The following HHAT variants were observed in gnomAD, a reference collection of about 807,000 sequenced individuals.
HHAT encodes hedgehog acyltransferase, also known as protein-cysteine N-palmitoyltransferase HHAT.
A neutral mutation model predicts 70.8 loss-of-function variants in HHAT; 47 were observed. The ratio of observed to expected loss-of-function variants is 0.66; its 90% CI spans 0.53 to 0.85. The LOEUF is 0.85. Ranked by LOEUF, HHAT falls within the 40% of genes least tolerant of loss-of-function variation. HHAT has a pLI of 0.00. For missense variants in HHAT, 609 were observed against 604.8 expected, an observed-to-expected ratio of 1.01 and a Z score of -0.07; for synonymous variants, 228 against 247.6, an observed-to-expected ratio of 0.92 and a Z score of 0.74.
At chr1:210,655,088 C>G (rs1474422276) in intron 11 of HHAT, among the ~76,000 whole-genome samples, 39 of 152,184 alleles carry the variant, frequency 2.6e-4, no homozygotes, top group Admixed American at 2.6e-3. Flanking sequence ...ATATTGTGCT[C>G]TGAGGTCACA....
intron 8 of HHAT, among the ~76,000 whole-genome samples, chr1:210,498,412 T>A (rs1391024057): frequency 6.6e-6 from 1 of 152,206 alleles, no homozygotes; most frequent in African/African-American, 2.4e-5. Flanking sequence ...TTTGGTAACA[T>A]TCAGTGGGAG....
Position 210,510,075 on chromosome 1 carries a change from A to G in HHAT, c.1008-3078A>G, listed in dbSNP as rs558304226. Among the ~76,000 whole-genome samples the G allele has an allele frequency of 7.9e-5, 12 of 152,306 alleles. No homozygotes were observed. The South Asian group carries it at 2.5e-3, about 32-fold the overall frequency. The stretch of plus-strand genomic sequence containing the variant: ...GCTATTAGTTGAATAAGAAAGACAT[A>G]TTTTGCCTTTCAGAGATTGTTATAT... On this transcript the variant is annotated intron_variant, in intron 8 of 11. Coordinates refer to ENST00000261458, the MANE Select transcript of HHAT (RefSeq NM_018194.6).
At chr1:210,584,012 G>T (rs553065915) in intron 9 of HHAT, among the ~76,000 whole-genome samples, 2 of 143,050 alleles carry the variant, frequency 1.4e-5, no homozygotes, top group South Asian at 4.4e-4. Flanking sequence ...GAGGGCAGTG[G>T]TACTTACTGC....
intron 1 of HHAT, among the ~76,000 whole-genome samples, chr1:210,340,233 T>C (rs541540834): frequency 2.6e-4 from 27 of 102,054 alleles, no homozygotes; most frequent in African/African-American, 1.2e-3. Flanking sequence ...AGAGCAAGAC[T>C]CTGTCTCAGA....
intron 11 of HHAT, among the ~76,000 whole-genome samples, chr1:210,671,336 G>A (rs138259514): frequency 0.017 from 2,593 of 152,216 alleles, 36 homozygotes; most frequent in Middle Eastern, 0.031. Flanking sequence ...GGTGTTGGCC[G>A]GTCCCCTGGC....
intron 10 of HHAT, among the ~76,000 whole-genome samples, chr1:210,609,422 T>C (rs1666159633): frequency 6.6e-6 from 1 of 151,696 alleles, no homozygotes; most frequent in South Asian, 2.1e-4. Context: ...AATGTAATGG[T>C]GTGTTAATTC....
chr1:210,391,526 T>C (rs2091458294), intron 4 of HHAT, among the ~76,000 whole-genome samples: 1 of 152,060 alleles, frequency 6.6e-6, no homozygotes, highest in African/African-American at 2.4e-5. Context: ...TGACAAAGGA[T>C]TGGCATATGG....
Position 210,526,367 on chromosome 1 carries a change from G to GTTTTGTTTTGTTTTGTTTTTTTTT in HHAT, c.1043+13183_1043+13184insGTTTTGTTTTGTTTTTTTTTTTTT. Among the ~76,000 whole-genome samples the GTTTTGTTTTGTTTTGTTTTTTTTT allele has an allele frequency of 5.6e-5, 8 of 142,422 alleles. 1 individual carries two copies. The highest frequency in any genetic ancestry group is 4.2e-4 in the Admixed American group (6 of 14,128). The allele number at this position is 142,422 out of a possible 152,430, so 93.4% of individuals were successfully genotyped here. A position where few individuals can be genotyped will look rare whatever the true frequency, so the allele number is the denominator to read the frequency against. ...TAATAAACTAACCAGAGTGGGTTCTGTTTTTTTTTTTGCCACTGAGATAAC... is the reference window on the plus strand; with the variant it reads ...TAATAAACTAACCAGAGTGGGTTCTGTTTTGTTTTGTTTTGTTTTTTTTTTTTTTTTTTTTGCCACTGAGATAAC... On this transcript the variant is annotated intron_variant, in intron 9 of 11. Transcript: ENST00000261458.
chr1:210,556,140 C>T (rs896813128), intron 9 of HHAT, among the ~76,000 whole-genome samples: 3 of 151,984 alleles, frequency 2.0e-5, no homozygotes, highest in South Asian at 2.1e-4. Context: ...GTCTTTTTCT[C>T]GTCTAGTCTC....
chr1:210,401,880 A>T (rs1028417547), intron 5 of HHAT, among the ~76,000 whole-genome samples: 17 of 151,752 alleles, frequency 1.1e-4, no homozygotes, highest in African/African-American at 4.1e-4. Context: ...GGCAGTGGCT[A>T]GCATCCCCTG....
chr1:210,387,430 A>T (rs1279193525), intron 3 of HHAT, 38 bp from the exon 4 acceptor site: 3 of 1,521,574 alleles, frequency 2.0e-6, no homozygotes. Flanking sequence ...TCAGACGTGT[A>T]CTGAAATCCC....
chr1:210,399,845 T>G (rs2091977164), intron 4 of HHAT, among the ~76,000 whole-genome samples: 1 of 152,194 alleles, frequency 6.6e-6, no homozygotes, highest in African/African-American at 2.4e-5. Flanking sequence ...AATGTATCAA[T>G]CAGGTAGACT....
intron 8 of HHAT, among the ~76,000 whole-genome samples, chr1:210,487,925 A>T (rs1053745649): frequency 6.6e-6 from 1 of 152,138 alleles, no homozygotes; most frequent in African/African-American, 2.4e-5. Context: ...TCACCTACCC[A>T]TAATTTGCCT....
intron 6 of HHAT, among the ~76,000 whole-genome samples, chr1:210,413,141 T>C (rs926378449): frequency 5.3e-5 from 8 of 152,260 alleles, no homozygotes; most frequent in Non-Finnish European, 8.8e-5. Context: ...ACATTACTTT[T>C]TCTCTGACTG....
intron 7 of HHAT, among the ~76,000 whole-genome samples, chr1:210,437,549 C>T (rs2093406982): frequency 6.6e-6 from 1 of 151,866 alleles, no homozygotes; most frequent in African/African-American, 2.4e-5. Context: ...TGGTGAGAGG[C>T]TGTCCACATT....
At chr1:210,367,917 C>T (rs866694654) in intron 3 of HHAT, among the ~76,000 whole-genome samples, 2 of 132,034 alleles carry the variant, frequency 1.5e-5, no homozygotes, top group East Asian at 2.7e-4. Flanking sequence ...TCCCCCACCC[C>T]CCACCCCCTG....
chr1:210,385,103 T>A (rs1446429074), intron 3 of HHAT, among the ~76,000 whole-genome samples: 1 of 151,678 alleles, frequency 6.6e-6, no homozygotes, highest in Non-Finnish European at 1.5e-5. Flanking sequence ...ACAGAAAGTC[T>A]TATATGTTTT....
chr1:210,590,339 G>A (rs555561441), intron 10 of HHAT: 1 of 152,046 alleles, frequency 6.6e-6, no homozygotes, highest in South Asian at 2.1e-4. Flanking sequence ...AAGACTTACT[G>A]GCTTTGTGAG....
At chr1:210,511,679 A>C (rs1315534154) in intron 8 of HHAT, among the ~76,000 whole-genome samples, 2 of 151,962 alleles carry the variant, frequency 1.3e-5, no homozygotes, top group African/African-American at 4.8e-5. Flanking sequence ...GGCCAACCCA[A>C]GAGGCGAGAC....
Sources: gnomAD v4.1 joint callset for allele counts (sites outside exome capture counted in the v4.1 genomes callset) on GRCh38, gnomAD v4.1.1 for gene constraint, MANE v1.5 for transcripts, NCBI Gene and HGNC (gene_info 2026-07-23, HGNC 2026-07-21) for gene names.